ANTXRL: variants seen among roughly 807,000 people sequenced by gnomAD.
The protein encoded by ANTXRL is ANTXR like.
In ANTXRL, 63 loss-of-function variants were observed where a neutral mutation model predicts 75.4. The ratio of observed to expected loss-of-function variants is 0.84; its 90% CI spans 0.68 to 1.03. The LOEUF (loss-of-function observed/expected upper bound fraction) is 1.03. Among genes scored for constraint, ANTXRL ranks in the 50% least tolerant of loss-of-function variants. The probability of loss-of-function intolerance (pLI) is 0.00; values close to 1 mark genes in which losing one functional copy is unlikely to be tolerated. For missense variants in ANTXRL, 797 were observed against 789.4 expected, an observed-to-expected ratio of 1.01 and a Z score of -0.12; for synonymous variants, 335 against 291.3, an observed-to-expected ratio of 1.15 and a Z score of -1.53.
intron 16 of ANTXRL, among the ~76,000 whole-genome samples, chr10:46,315,255 T>C (rs1302311534): frequency 8.5e-5 from 13 of 152,236 alleles, no homozygotes; most frequent in Non-Finnish European, 1.9e-4. Flanking sequence ...ACACTGGGAA[T>C]GTGACCTTCC....
At chr10:46,300,797 C>CTTCTGGTTGTCT (rs1837681032) in intron 9 of ANTXRL, among the ~76,000 whole-genome samples, 1 of 152,156 alleles carries the variant, frequency 6.6e-6, no homozygotes, top group Non-Finnish European at 1.5e-5. Context: ...CAGGGTGTAT[C>CTTCTGGTTGTCT]ATGACTTCTG....
intron 16 of ANTXRL, among the ~76,000 whole-genome samples, chr10:46,320,370 C>T (rs1838923354): frequency 6.6e-6 from 1 of 152,136 alleles, no homozygotes; most frequent in Non-Finnish European, 1.5e-5. Flanking sequence ...TCTCTACTGA[C>T]CCAATATAGG....
chr10:46,290,196 C>A (rs534345929), intron 1 of ANTXRL, among the ~76,000 whole-genome samples: 10 of 152,034 alleles, frequency 6.6e-5, no homozygotes, highest in Non-Finnish European at 1.5e-4. Context: ...GGGCATGCCA[C>A]CACGCCAGGC....
intron 12 of ANTXRL, chr10:46,308,804 T>G: frequency 4.7e-6 from 2 of 421,422 alleles, no homozygotes; most frequent in Non-Finnish European, 4.4e-6. Context: ...TCACCTGTCT[T>G]TGTACCGGTA....
In ANTXRL at chr10:46,311,607, C is replaced by A; in HGVS notation, c.1271C>A (p.Pro424His). The A allele has an allele frequency of 7.1e-7, 1 of 1,404,332 alleles. No individual in the cohort carries two copies. 87.0% of individuals were successfully genotyped at this position (1,404,332 alleles called of 1,614,324 possible). The change falls in exon 15 of 17, where the codon CCC (proline) becomes CAC (histidine). Residue 424 changes from proline (P) to histidine (H), a missense_variant. Physicochemically the swap from Pro to His is moderately conservative, Grantham distance 77. Around this residue, in one of 3 missense-constraint regions of ANTXRL, gnomAD observed 479 missense variants for 422.0 expected, o/e 1.14. Transcript: ENST00000620264. ...PPPPAPVNTC[P>H]TVIICCCGCQ... Reference sequence around the variant, plus strand: ...CCCCCAGCTCCTGTAAACACCTGCCCCACTGTGATTATTTGTTGCTGTGGA... The same window carrying A: ...CCCCCAGCTCCTGTAAACACCTGCCACACTGTGATTATTTGTTGCTGTGGA...
chr10:46,323,815 T>C (rs1839089785), intron 16 of ANTXRL, among the ~76,000 whole-genome samples: 1 of 152,146 alleles, frequency 6.6e-6, no homozygotes, highest in Non-Finnish European at 1.5e-5. Context: ...GTTTCATGGT[T>C]AAAAGCCTGG....
intron 1 of ANTXRL, among the ~76,000 whole-genome samples, chr10:46,290,058 T>G (rs1441751732): frequency 1.3e-5 from 2 of 149,820 alleles, no homozygotes; most frequent in African/African-American, 4.9e-5. Flanking sequence ...TTTTTTTTTT[T>G]TTTTTGAGTT....
intron 16 of ANTXRL, among the ~76,000 whole-genome samples, chr10:46,327,969 T>A (rs1421738690): frequency 6.6e-6 from 1 of 152,142 alleles, no homozygotes; most frequent in African/African-American, 2.4e-5. Flanking sequence ...CAAAGTAGCA[T>A]ATGCCCACTG....
At chr10:46,316,173 C>T (rs1838714178) in intron 16 of ANTXRL, among the ~76,000 whole-genome samples, 1 of 152,012 alleles carries the variant, frequency 6.6e-6, no homozygotes, top group Non-Finnish European at 1.5e-5. Context: ...AATATAGTGC[C>T]CACAATGATA....
intron 16 of ANTXRL, among the ~76,000 whole-genome samples, chr10:46,317,891 A>G (rs1468707998): frequency 6.6e-6 from 1 of 152,166 alleles, no homozygotes; most frequent in African/African-American, 2.4e-5. Flanking sequence ...TGGCTTAGAT[A>G]TCTGCAATCA....
intron 16 of ANTXRL, among the ~76,000 whole-genome samples, chr10:46,322,443 G>A (rs1554965748): frequency 6.8e-6 from 1 of 147,666 alleles, no homozygotes; most frequent in Admixed American, 6.8e-5. Flanking sequence ...GGGTGACAAA[G>A]TGAGACTCCA....
intron 12 of ANTXRL, chr10:46,308,641 G>A: frequency 2.9e-6 from 1 of 350,486 alleles, no homozygotes; most frequent in Non-Finnish European, 5.6e-6. Flanking sequence ...TGCCCCCAGG[G>A]AGGGCGGCTC....
At chr10:46,290,045 C>CTTTTTTTTTTTTTTTTTT (rs34276033) in intron 1 of ANTXRL, among the ~76,000 whole-genome samples, 1 of 119,670 alleles carries the variant, frequency 8.4e-6, no homozygotes, top group East Asian at 2.4e-4. Flanking sequence ...TTTTCTTTAT[C>CTTTTTTTTTTTTTTTTTT]TTTTTTTTTT....
intron 16 of ANTXRL, among the ~76,000 whole-genome samples, 192 bp from the exon 17 acceptor site, chr10:46,329,407 G>A (rs1198877098): frequency 4.6e-5 from 7 of 152,236 alleles, no homozygotes; most frequent in African/African-American, 1.7e-4. Context: ...GACTTTGAAC[G>A]CTGGAGCTGA....
intron 3 of ANTXRL, chr10:46,294,195 G>A (rs1837229266): frequency 2.3e-6 from 1 of 444,306 alleles, no homozygotes; most frequent in Non-Finnish European, 4.1e-6. Flanking sequence ...TGGCTGTGAG[G>A]ATTCCCAGGG....
chr10:46,313,461 G>A (rs1838549276), intron 16 of ANTXRL, 145 bp downstream of exon 16: 1 of 834,488 alleles, frequency 1.2e-6, no homozygotes, highest in Admixed American at 2.1e-5. Flanking sequence ...CGGTGCCCAT[G>A]GGCATCCCAG....
rs1324465133 is a variant in ANTXRL, at chr10:46,295,583, GGTTAGAGTTAGA to G, written c.393-406_393-395del. Among the ~76,000 whole-genome samples the G allele has an allele frequency of 6.0e-4, 20 of 33,134 alleles. 4 individuals are homozygous for G. Among genetic ancestry groups the G allele is most frequent in the Middle Eastern group, 0.033 (2 of 60 alleles). 21.7% of individuals were successfully genotyped at this position (33,134 alleles called of 152,430 possible). On this transcript the variant is annotated intron_variant, in intron 3 of 16. Transcript: ENST00000620264. ...GGTTCAGGGTTAAAGTTAGGGTTTG[GGTTAGAGTTAGA>G]GTTAGAGTTAGAGTTAGAGTTAGAG...
intron 10 of ANTXRL, among the ~76,000 whole-genome samples, chr10:46,305,257 C>T (rs1157218927): frequency 1.3e-5 from 2 of 152,120 alleles, no homozygotes; most frequent in African/African-American, 4.8e-5. Context: ...TGTAGGGCAG[C>T]AGGGGCAGAG....
rs1565035523 is a variant in ANTXRL at position 46,307,555 on chromosome 10, G to A, written c.1044+75G>A. 4 of 1,359,904 alleles carry A rather than the reference G, an allele frequency of 2.9e-6. No homozygotes were observed. The Admixed American group carries it at 5.9e-5, about 20-fold the overall frequency. The allele number at this position is 1,359,904 out of a possible 1,614,324, so 84.2% of individuals were successfully genotyped here. ...TCTGCACTAGAAGGAGCACAGAAAA[G>A]GCAGACCGTTCCCAGGCAGTCCCAG... is the stretch of plus-strand genomic sequence containing the variant. On this transcript the variant is annotated intron_variant, in intron 12 of 16. Transcript: ENST00000620264.
Sources: allele counts gnomAD v4.1 joint callset (sites outside exome capture counted in the v4.1 genomes callset), GRCh38; gene constraint gnomAD v4.1.1; regional missense constraint gnomAD v4.1.1; transcripts MANE v1.5; gene names NCBI Gene and HGNC (gene_info 2026-07-23, HGNC 2026-07-21).